ACSL6: variants seen among roughly 807,000 people sequenced by gnomAD.
ACSL6 encodes acyl-CoA synthetase long chain family member 6, also known as long-chain-fatty-acid--CoA ligase 6.
A neutral mutation model predicts 98.2 loss-of-function variants in ACSL6; 47 were observed. The observed-to-expected ratio is 0.48, with a 90% confidence interval of 0.38 to 0.61. The LOEUF (loss-of-function observed/expected upper bound fraction) is 0.61, where lower values mean the gene tolerates loss of function less well. ACSL6 is among the 20% of genes least tolerant of loss of function. The pLI is 0.00. For missense variants in ACSL6, 761 were observed against 913.4 expected (o/e 0.83, Z 2.15); for synonymous variants, 362 against 336.9 (o/e 1.07, Z -0.82).
At chr5:131,965,725 A>T (rs555919488) in intron 17 of ACSL6, among the ~76,000 whole-genome samples, 1 of 152,282 alleles carries the variant, frequency 6.6e-6, no homozygotes, top group African/African-American at 2.4e-5. Flanking sequence ...CCATTTCATA[A>T]ATAAATAATA....
intron 1 of ACSL6, among the ~76,000 whole-genome samples, chr5:132,000,326 C>T (rs1343049508): frequency 6.6e-6 from 1 of 152,156 alleles, no homozygotes; most frequent in Non-Finnish European, 1.5e-5. Flanking sequence ...GCCCTGCTCT[C>T]ATGCCTGCAC....
chr5:131,975,011 C>T, intron 10 of ACSL6, 41 bp from the exon 11 acceptor site: 1 of 1,603,514 alleles, frequency 6.2e-7, no homozygotes, highest in Non-Finnish European at 8.5e-7. Context: ...GAAAGAAACA[C>T]TGACAGGAAG....
intron 17 of ACSL6, among the ~76,000 whole-genome samples, chr5:131,965,678 C>T (rs903243104): frequency 6.6e-6 from 1 of 152,116 alleles, no homozygotes; most frequent in Non-Finnish European, 1.5e-5. Context: ...GTCAAGATCT[C>T]GTCACTGCAC....
chr5:131,970,430 G>A (rs1353496972), intron 14 of ACSL6, among the ~76,000 whole-genome samples: 14 of 147,224 alleles, frequency 9.5e-5, no homozygotes, highest in African/African-American at 3.5e-4. Context: ...TTTTTTTTGA[G>A]ACGGAGTCTC....
rs1754313281 is a variant in ACSL6 at position 131,988,378 on chromosome 5, C to T, written c.653-152G>A. On this transcript the variant is annotated intron_variant, in intron 6 of 20. Coordinates refer to ENST00000651883, the MANE Select transcript of ACSL6 (RefSeq NM_001009185.3). Reference sequence around the variant, plus strand: ...AAATACATAAGACAGGCCTCGTGTACAGAGGAATTTGCCGTGGGTCCTGGG... The same window carrying T: ...AAATACATAAGACAGGCCTCGTGTATAGAGGAATTTGCCGTGGGTCCTGGG... 11 of 1,289,852 alleles carry T rather than the reference C, an allele frequency of 8.5e-6. 1 individual carries two copies. The South Asian group carries it at 1.5e-4, about 18-fold the overall frequency. 79.9% of individuals were successfully genotyped at this position (1,289,852 alleles called of 1,614,324 possible).
At chr5:131,985,384 G>C in intron 9 of ACSL6, 23 bp downstream of exon 9, 2 of 1,613,936 alleles carry the variant, frequency 1.2e-6, no homozygotes. Flanking sequence ...GCCATGGCTG[G>C]GGATCTGCGT....
rs149648799 is a variant in ACSL6, at chr5:132,011,089, T to G, written c.49+416A>C. ...GAAGCCTAGGTCAGTCCGGGTTACA[T>G]AGCTGACCTGCTGTGGGACCTCGGG... On this transcript the variant is annotated intron_variant, in intron 1 of 20. Transcript: ENST00000651883. This position sits in a 1 kb window ranked among gnomAD's most constrained non-coding sequence, Gnocchi z 5.4. 4.9e-3 allele frequency among the ~76,000 whole-genome samples: 753 copies of G among 152,254 alleles called. 6 individuals carry two copies. The highest frequency in any genetic ancestry group is 0.018 in the African/African-American group (732 of 41,528).
chr5:131,998,171 T>A (rs900381905), intron 1 of ACSL6, among the ~76,000 whole-genome samples: 1 of 152,122 alleles, frequency 6.6e-6, no homozygotes, highest in Admixed American at 6.5e-5. Flanking sequence ...GCAGCAGAGA[T>A]GTGCATTGTG....
intron 11 of ACSL6, among the ~76,000 whole-genome samples, chr5:131,974,220 T>C (rs1226958353): frequency 6.6e-6 from 1 of 152,154 alleles, no homozygotes; most frequent in Non-Finnish European, 1.5e-5. Context: ...GAGTGACACA[T>C]ATATGGAGAA....
At position 131,976,696 on chromosome 5, in the gene ACSL6, G is replaced by C. The variant is rs1169006022; in HGVS notation, c.942C>G (p.Thr314=). The C allele has an allele frequency of 6.2e-7, 1 of 1,614,174 alleles. No homozygotes were observed. The highest frequency in any genetic ancestry group is 1.1e-5 in the South Asian group (1 of 91,082). The stretch of plus-strand genomic sequence containing the variant: ...AGAAATCAGCCACCACGTTCCCATG[G>C]GTGAGCATCGCACCTTTTGGGTTCC... The part of the protein sequence containing the change: ...TTGNPKGAML[T]HGNVVADFSG... Residue 314 remains threonine (T), a synonymous_variant, in exon 10 of 21, where the codon ACC becomes ACG. Transcript: ENST00000651883.
chr5:131,992,938 T>A (rs1200057528), intron 2 of ACSL6, among the ~76,000 whole-genome samples: 1 of 152,170 alleles, frequency 6.6e-6, no homozygotes, highest in African/African-American at 2.4e-5. Context: ...ACTTTACAAC[T>A]GAGAGCCCTG....
intron 8 of ACSL6, 53 bp from the exon 9 acceptor site, chr5:131,985,511 G>A: frequency 6.2e-7 from 1 of 1,602,636 alleles, no homozygotes; most frequent in South Asian, 1.1e-5. Context: ...GGCCAGCCAG[G>A]GCCCAAGATG....
intron 9 of ACSL6, among the ~76,000 whole-genome samples, chr5:131,978,699 G>GT (rs2058982527): frequency 6.6e-6 from 1 of 152,190 alleles, no homozygotes; most frequent in Non-Finnish European, 1.5e-5. Flanking sequence ...AGATGCCTGA[G>GT]TTTTTGCCCA....
At chr5:131,956,252 T>C (rs1011018478) in intron 20 of ACSL6, among the ~76,000 whole-genome samples, 4 of 152,168 alleles carry the variant, frequency 2.6e-5, no homozygotes, top group African/African-American at 9.6e-5. Flanking sequence ...TATGGTTAAG[T>C]AGAAATGTAA....
intron 10 of ACSL6, chr5:131,975,190 G>A: frequency 2.1e-6 from 3 of 1,397,032 alleles, no homozygotes; most frequent in Non-Finnish European, 2.8e-6. Context: ...AGAAAGAAGA[G>A]AGAGACAGGG....
chr5:132,008,833 A>G (rs1040408634), intron 1 of ACSL6, among the ~76,000 whole-genome samples: 4 of 152,256 alleles, frequency 2.6e-5, no homozygotes, highest in Non-Finnish European at 2.9e-5. Flanking sequence ...ACCCTGCGGC[A>G]TGGGGCTGCC....
intron 4 of ACSL6, 49 bp downstream of exon 4, chr5:131,990,051 G>A: frequency 6.3e-7 from 1 of 1,596,314 alleles, no homozygotes; most frequent in Non-Finnish European, 8.6e-7. Flanking sequence ...TGCCCTGAGT[G>A]CCAGATCTGA....
At chr5:131,954,452 A>G in intron 20 of ACSL6, 81 bp from the exon 21 acceptor site, 1 of 1,355,538 alleles carries the variant, frequency 7.4e-7, no homozygotes, top group Non-Finnish European at 1.0e-6. Flanking sequence ...GCAAACAGGC[A>G]CATGAGAGTA....
intron 14 of ACSL6, among the ~76,000 whole-genome samples, chr5:131,970,660 C>G (rs541171727): frequency 2.0e-5 from 3 of 152,094 alleles, no homozygotes; most frequent in Admixed American, 2.0e-4. Context: ...CCACCCACCT[C>G]GGCCTCCCAA....
Sources: allele counts gnomAD v4.1 joint callset (sites outside exome capture counted in the v4.1 genomes callset), GRCh38; gene constraint gnomAD v4.1.1; non-coding constraint Gnocchi (gnomAD v3.1); transcripts MANE v1.5; gene names NCBI Gene and HGNC (gene_info 2026-07-23, HGNC 2026-07-21).